The following SETDB2 variants were observed in gnomAD, a reference collection of about 807,000 sequenced individuals.
SETDB2 encodes histone-lysine N-methyltransferase SETDB2.
In SETDB2, 56 loss-of-function variants were observed where a neutral mutation model predicts 82.5. That is an observed-to-expected ratio of 0.68 (90% confidence interval 0.55 to 0.85). SETDB2 has a LOEUF of 0.85. SETDB2 is among the 40% of genes least tolerant of loss of function. The pLI, the probability that SETDB2 is intolerant of heterozygous loss-of-function variation, is 0.00. For synonymous variants in SETDB2, 272 were observed against 284.9 expected (o/e 0.95, Z 0.46); for missense variants, 677 against 816.4 (o/e 0.83, Z 2.08).
intron 2 of SETDB2, among the ~76,000 whole-genome samples, chr13:49,454,661 A>T (rs1464521630): frequency 6.6e-6 from 1 of 152,174 alleles, no homozygotes; most frequent in Non-Finnish European, 1.5e-5. Flanking sequence ...GACGTCCTAA[A>T]TGATTTTTAA....
intron 13 of SETDB2, among the ~76,000 whole-genome samples, chr13:49,491,266 A>G (rs549549961): frequency 2.6e-5 from 4 of 152,350 alleles, no homozygotes; most frequent in African/African-American, 9.6e-5. Context: ...GGTACTGTAG[A>G]ATATTCAATT....
chr13:49,444,790 A>G lies in SETDB2; in HGVS notation c.-409A>G, dbSNP rs1182470134. The G allele has an allele frequency of 6.6e-6, 1 of 152,498 alleles. No homozygotes were observed. Among genetic ancestry groups the G allele is most frequent in the Non-Finnish European group, 1.5e-5 (1 of 68,284 alleles). 9.4% of individuals were successfully genotyped at this position (152,498 alleles called of 1,614,324 possible). On this transcript the variant is annotated 5_prime_UTR_variant, in exon 1 of 14. Coordinates refer to ENST00000611815, the MANE Select transcript of SETDB2 (RefSeq NM_001160308.3). ...AACCTGAGGTTGTCAAAGGGGCGGC[A>G]GGAAATGGACAGCAGTATAAAACCC...
chr13:49,457,034 G>T (rs9568212), intron 2 of SETDB2, among the ~76,000 whole-genome samples: 3,846 of 152,084 alleles, frequency 0.025, 206 homozygotes, highest in East Asian at 0.14. Flanking sequence ...TTCATTTATT[G>T]TAGAAGCAGA....
chr13:49,457,451 T>A lies in SETDB2; in HGVS notation c.17-2656T>A, dbSNP rs561807438. Among the ~76,000 whole-genome samples the A allele has an allele frequency of 5.8e-4, 88 of 151,228 alleles. 2 individuals carry two copies. The South Asian group carries it at 0.017, about 30-fold the overall frequency. ...TTTCTAAGACTTTTTTTTTTTTTTT[T>A]TTGAAAGAGTCTTGCTCTGTTACCC... On this transcript the variant is annotated intron_variant, in intron 2 of 13. Transcript: ENST00000611815.
rs372104409 is a variant in SETDB2 at position 49,488,327 on chromosome 13, T to C, written c.1614T>C (p.Asp538=). ...SSSNHVDEFE[D]NLLIESDVID... is the part of the protein sequence containing the mutation. ...CAAACCATGTTGATGAGTTTGAAGA[T>C]AATCTGCTGATTGAATCAGATGTGA... Residue 538 remains aspartate, a synonymous_variant, in exon 12 of 14, where the codon GAT becomes GAC. Coordinates refer to ENST00000611815, the MANE Select transcript of SETDB2 (RefSeq NM_001160308.3). 13 of 1,600,002 alleles carry C rather than the reference T, an allele frequency of 8.1e-6. No individual in the cohort carries two copies. The highest frequency in any genetic ancestry group is 1.1e-5 in the Non-Finnish European group (13 of 1,176,662).
chr13:49,492,057 C>A lies in SETDB2; in HGVS notation c.*208C>A. On this transcript the variant is annotated 3_prime_UTR_variant, in exon 14 of 14. Transcript: ENST00000611815. ...TACACATAGGGTATCTTGTTCACTG[C>A]TGTGCTACTTTACATGAGTAGGATG... 1 of 549,160 alleles carries A rather than the reference C, an allele frequency of 1.8e-6. No homozygotes were observed. Among genetic ancestry groups the A allele is most frequent in the Non-Finnish European group, 3.3e-6 (1 of 302,216 alleles). 34.0% of individuals were successfully genotyped at this position (549,160 alleles called of 1,614,324 possible).
intron 12 of SETDB2, among the ~76,000 whole-genome samples, chr13:49,489,903 T>C (rs1263278948): frequency 2.5e-3 from 62 of 24,790 alleles, no homozygotes; most frequent in Middle Eastern, 0.067. Context: ...GCCTTATTTC[T>C]CCCGCCCCCC....
Position 49,451,913 on chromosome 13 carries a change from G to T in SETDB2, c.16+4G>T. 1 of 1,589,734 alleles carries T rather than the reference G, an allele frequency of 6.3e-7. No individual in the cohort carries two copies. Among genetic ancestry groups the T allele is most frequent in the Non-Finnish European group, 8.6e-7 (1 of 1,164,292 alleles). The stretch of plus-strand genomic sequence containing the variant: ...CAAAAGATGGGAGAAAAAAATGGTA[G>T]GTTGAAGAACACACTGTTACACTTT... On this transcript the variant is annotated splice_donor_region_variant and intron_variant, in intron 2 of 13. Transcript: ENST00000611815.
At chr13:49,475,579 C>T (rs755544829) in intron 5 of SETDB2, among the ~76,000 whole-genome samples, 5 of 151,742 alleles carry the variant, frequency 3.3e-5, no homozygotes, top group African/African-American at 9.7e-5. Context: ...CTCAACCTCC[C>T]GAGTCCAAGT....
intron 11 of SETDB2, among the ~76,000 whole-genome samples, chr13:49,487,776 C>G (rs1046560419): frequency 2.0e-5 from 3 of 152,160 alleles, no homozygotes; most frequent in African/African-American, 7.2e-5. Context: ...AGTAAAACAC[C>G]AAACACTAAT....
chr13:49,469,662 A>G (rs964629271), intron 5 of SETDB2, among the ~76,000 whole-genome samples: 1 of 152,126 alleles, frequency 6.6e-6, no homozygotes, highest in African/African-American at 2.4e-5. Context: ...TAAGTGGTCA[A>G]AGAAAAAATC....
chr13:49,462,071 C>T (rs1033567725), intron 4 of SETDB2, among the ~76,000 whole-genome samples: 1 of 152,206 alleles, frequency 6.6e-6, no homozygotes, highest in Non-Finnish European at 1.5e-5. Context: ...GTACCACCCT[C>T]CCAGTATGTA....
intron 1 of SETDB2, among the ~76,000 whole-genome samples, chr13:49,445,195 C>G (rs1209522783): frequency 6.6e-6 from 1 of 152,146 alleles, no homozygotes. Context: ...AAACGAGCTG[C>G]TAATTTAACC....
rs999576495 is a variant in SETDB2 at position 49,488,365 on chromosome 13, A to G, written c.1652A>G (p.Lys551Arg). Residue 551 changes from lysine (K) to arginine (R), a missense_variant, in exon 12 of 14, where the codon AAA becomes AGA. By Grantham distance (26) the Lys-to-Arg change is conservative (BLOSUM62 2). This residue lies in a region of SETDB2 where 420 missense variants were observed against 554.6 expected (regional missense o/e 0.76). Coordinates refer to ENST00000611815, the MANE Select transcript of SETDB2 (RefSeq NM_001160308.3). ...LIESDVIDIT[K>R]YREETPPRSR... ...GAATCAGATGTGATAGATATAACTA[A>G]ATATAGAGAAGAAACTCCACCAAGG... 6.2e-7 allele frequency: 1 copy of G among 1,611,742 alleles called. No homozygotes were observed. The highest frequency in any genetic ancestry group is 8.5e-7 in the Non-Finnish European group (1 of 1,179,464).
intron 5 of SETDB2, among the ~76,000 whole-genome samples, chr13:49,469,067 T>C (rs2138899035): frequency 6.6e-6 from 1 of 152,326 alleles, no homozygotes; most frequent in South Asian, 2.1e-4. Context: ...TTTATTCCTG[T>C]GAAGTATCAT....
intron 5 of SETDB2, among the ~76,000 whole-genome samples, chr13:49,471,913 C>CATATATATATATATATAT (rs1232849321): frequency 7.3e-4 from 79 of 107,700 alleles, no homozygotes; most frequent in South Asian, 1.4e-3. Flanking sequence ...TCTCATGTGA[C>CATATATATATATATATAT]ATATATATAT....
intron 11 of SETDB2, among the ~76,000 whole-genome samples, chr13:49,486,303 C>CAAAA (rs113127035): frequency 1.1e-4 from 16 of 147,688 alleles, no homozygotes; most frequent in Admixed American, 2.7e-4. Context: ...GACCCTGTCT[C>CAAAA]AAAAAAAAAA....
At chr13:49,463,341 G>T (rs186751177) in intron 4 of SETDB2, among the ~76,000 whole-genome samples, 1 of 152,046 alleles carries the variant, frequency 6.6e-6, no homozygotes, top group Non-Finnish European at 1.5e-5. Context: ...CAAGTGTTGC[G>T]GGAATTAGGA....
intron 13 of SETDB2, among the ~76,000 whole-genome samples, chr13:49,491,499 T>TA (rs1222269483): frequency 6.6e-6 from 1 of 152,334 alleles, no homozygotes; most frequent in African/African-American, 2.4e-5. Context: ...GTTGGCAAAA[T>TA]ACACTTCTTC....
Sources: allele counts gnomAD v4.1 joint callset (sites outside exome capture counted in the v4.1 genomes callset), GRCh38; gene constraint gnomAD v4.1.1; regional missense constraint gnomAD v4.1.1; transcripts MANE v1.5; gene names NCBI Gene and HGNC (gene_info 2026-07-23, HGNC 2026-07-21).